Variants in SPAG16 observed in about 807,000 individuals in gnomAD.
SPAG16 encodes sperm associated antigen 16.
In SPAG16, 86 loss-of-function variants were observed where a neutral mutation model predicts 80.4. The ratio of observed to expected loss-of-function variants is 1.07; its 90% CI spans 0.90 to 1.28. The LOEUF is 1.28. SPAG16 is among the 50% of genes most tolerant of loss of function. The pLI, the probability that SPAG16 is intolerant of heterozygous loss-of-function variation, is 0.00. For missense variants in SPAG16, 870 were observed against 765.3 expected (o/e 1.14, Z -1.61); for synonymous variants, 294 against 265.9 (o/e 1.11, Z -1.03).
chr2:214,108,409 T>C, intron 14 of SPAG16, 148 bp downstream of exon 14: 2 of 569,790 alleles, frequency 3.5e-6, no homozygotes, highest in Non-Finnish European at 6.2e-6. Context: ...GAAAAGTCTA[T>C]AGGTATATAG....
chr2:213,508,060 C>T (rs1484792467), intron 10 of SPAG16, among the ~76,000 whole-genome samples: 1 of 152,200 alleles, frequency 6.6e-6, no homozygotes, highest in Non-Finnish European at 1.5e-5. Context: ...CCTCAGGGAT[C>T]TAGAACTAGA....
intron 8 of SPAG16, among the ~76,000 whole-genome samples, chr2:213,366,293 A>G (rs1364344274): frequency 2.0e-5 from 3 of 152,208 alleles, no homozygotes; most frequent in Admixed American, 2.0e-4. Context: ...AAATTCATGT[A>G]AAGTATAAAC....
intron 13 of SPAG16, among the ~76,000 whole-genome samples, chr2:214,076,890 T>TA (rs1196295268): frequency 6.6e-6 from 1 of 152,102 alleles, no homozygotes; most frequent in Non-Finnish European, 1.5e-5. Context: ...CCCTGATCAA[T>TA]AGCAAGTTGG....
chr2:213,306,884 C>T (rs987134831), intron 3 of SPAG16, among the ~76,000 whole-genome samples: 1 of 152,170 alleles, frequency 6.6e-6, no homozygotes, highest in East Asian at 1.9e-4. Context: ...TTCAGTGCCT[C>T]TTTCAGCAAT....
At chr2:214,347,448 T>C (rs1388169879) in intron 15 of SPAG16, among the ~76,000 whole-genome samples, 1 of 151,882 alleles carries the variant, frequency 6.6e-6, no homozygotes, top group Admixed American at 6.6e-5. Flanking sequence ...AAGGCAAAGA[T>C]CAAATCCTGG....
intron 10 of SPAG16, among the ~76,000 whole-genome samples, chr2:213,567,229 TTG>T (rs762276050): frequency 9.1e-5 from 13 of 142,416 alleles, no homozygotes; most frequent in Admixed American, 1.4e-4. Flanking sequence ...TTGTTTGACA[TTG>T]TTTTTTTTTT....
chr2:213,402,550 A>G (rs919825472), intron 9 of SPAG16, among the ~76,000 whole-genome samples: 15 of 151,678 alleles, frequency 9.9e-5, no homozygotes, highest in Non-Finnish European at 2.1e-4. Context: ...AGCATTAGGT[A>G]TATCTCCTAA....
intron 10 of SPAG16, among the ~76,000 whole-genome samples, chr2:213,513,189 T>G (rs1169265972): frequency 6.6e-6 from 1 of 152,242 alleles, no homozygotes; most frequent in Non-Finnish European, 1.5e-5. Context: ...ACTTGCTGTT[T>G]TGTAAAGAAC....
chr2:213,800,962 A>G (rs531731441), intron 10 of SPAG16, among the ~76,000 whole-genome samples: 2 of 152,340 alleles, frequency 1.3e-5, no homozygotes, highest in South Asian at 4.1e-4. Context: ...TTCTAGCTTT[A>G]TTCTCTCATT....
At chr2:213,814,427 T>G (rs1036846388) in intron 10 of SPAG16, among the ~76,000 whole-genome samples, 4 of 152,136 alleles carry the variant, frequency 2.6e-5, no homozygotes, top group African/African-American at 9.7e-5. Flanking sequence ...GGCACTATAG[T>G]CTAGACAAGT....
intron 14 of SPAG16, among the ~76,000 whole-genome samples, chr2:214,133,375 G>A (rs1559831048): frequency 6.6e-6 from 1 of 152,038 alleles, no homozygotes; most frequent in Admixed American, 6.6e-5. Flanking sequence ...TGTAAAAATG[G>A]CCTTCCAAGG....
chr2:213,830,342 A>C (rs1575272736), intron 10 of SPAG16, among the ~76,000 whole-genome samples: 1 of 152,236 alleles, frequency 6.6e-6, no homozygotes, highest in Non-Finnish European at 1.5e-5. Flanking sequence ...TATCTGGGTC[A>C]CTCATTCACT....
chr2:214,108,089 C>T, intron 13 of SPAG16, 107 bp from the exon 14 acceptor site: 1 of 756,710 alleles, frequency 1.3e-6, no homozygotes, highest in South Asian at 1.9e-5. Context: ...TGTATTAATT[C>T]TGGGAGGAGG....
intron 10 of SPAG16, among the ~76,000 whole-genome samples, chr2:213,587,578 A>C (rs2060516527): frequency 6.6e-6 from 1 of 152,050 alleles, no homozygotes; most frequent in Non-Finnish European, 1.5e-5. Flanking sequence ...ATAGCACCTG[A>C]CTATTCATAC....
In SPAG16 at chr2:214,363,267, T is replaced by C. The variant is rs986207786; in HGVS notation, c.1721-46873T>C. Among the ~76,000 whole-genome samples, 28 of 151,956 alleles carry C rather than the reference T, an allele frequency of 1.8e-4. No individual in the cohort carries two copies. The South Asian group carries it at 2.5e-3, about 13-fold the overall frequency. ...ATTCATGACTCCAACCACTGTAATC[T>C]GCCCCTGCTATCATCCTCAAAAATA... On this transcript the variant is annotated intron_variant, in intron 15 of 15. Coordinates refer to ENST00000331683, the MANE Select transcript of SPAG16 (RefSeq NM_024532.5).
intron 9 of SPAG16, among the ~76,000 whole-genome samples, chr2:213,377,138 A>G (rs1232165731): frequency 6.6e-6 from 1 of 152,184 alleles, no homozygotes; most frequent in Non-Finnish European, 1.5e-5. Context: ...TGCTGGAATT[A>G]GAGTTCTAGT....
intron 13 of SPAG16, among the ~76,000 whole-genome samples, chr2:214,022,928 C>T (rs755862016): frequency 6.6e-6 from 1 of 151,980 alleles, no homozygotes; most frequent in Non-Finnish European, 1.5e-5. Flanking sequence ...CTATCCTCTT[C>T]CTTCTTTCCT....
intron 9 of SPAG16, among the ~76,000 whole-genome samples, chr2:213,393,782 T>A (rs1028667058): frequency 1.3e-5 from 2 of 152,148 alleles, no homozygotes; most frequent in African/African-American, 4.8e-5. Context: ...GCCAGGGTTT[T>A]TTATTTTTCC....
chr2:213,368,470 C>A (rs1207189963), intron 8 of SPAG16, among the ~76,000 whole-genome samples: 2 of 152,076 alleles, frequency 1.3e-5, no homozygotes, highest in African/African-American at 2.4e-5. Flanking sequence ...ACTGAATGGG[C>A]AAAAACTGGA....
Sources: allele counts gnomAD v4.1 joint callset (sites outside exome capture counted in the v4.1 genomes callset), GRCh38; gene constraint gnomAD v4.1.1; transcripts MANE v1.5; gene names NCBI Gene and HGNC (gene_info 2026-07-23, HGNC 2026-07-21).